Variants in TMCO4 observed in about 807,000 individuals in gnomAD.
TMCO4 encodes the protein transmembrane and coiled-coil domain-containing protein 4.
In TMCO4, 58 loss-of-function variants were observed where a neutral mutation model predicts 64.7. That is an observed-to-expected ratio of 0.90 (90% confidence interval 0.73 to 1.12). The LOEUF (loss-of-function observed/expected upper bound fraction) is 1.12, where lower values mean the gene tolerates loss of function less well. TMCO4 is among the 50% of genes most tolerant of loss of function. The probability of loss-of-function intolerance (pLI) is 0.00; values close to 1 mark genes in which losing one functional copy is unlikely to be tolerated. For synonymous variants in TMCO4, 325 were observed against 346.1 expected (o/e 0.94, Z 0.68); for missense variants, 780 against 825.9 (o/e 0.94, Z 0.68).
intron 15 of TMCO4, among the ~76,000 whole-genome samples, chr1:19,685,892 A>AT (rs972341836): frequency 2.0e-5 from 3 of 151,272 alleles, no homozygotes; most frequent in African/African-American, 7.3e-5. Flanking sequence ...TGCCCGGCTA[A>AT]TTTTTTTTGT....
chr1:19,683,364 G>C lies in TMCO4; in HGVS notation c.1581C>G (p.Asp527Glu). 6.2e-7 allele frequency: 1 copy of C among 1,613,918 alleles called. No individual in the cohort carries two copies. The highest frequency in any genetic ancestry group is 8.5e-7 in the Non-Finnish European group (1 of 1,180,018). Residue 527 changes from aspartate to glutamate, a missense_variant, in exon 16 of 16, where the codon GAC (aspartate) becomes GAG (glutamate). By Grantham distance (45) the Asp-to-Glu change is conservative. Transcript: ENST00000294543. ...AVGIRTKPGW[D>E]EKGLLLAPGC... The stretch of plus-strand genomic sequence containing the variant: ...CTGGGGCCAGCAAGAGCCCCTTCTC[G>C]TCCCAGCCTGGCTTGGTGCGGATGC...
intron 4 of TMCO4, among the ~76,000 whole-genome samples, chr1:19,774,370 AC>A (rs1249832194): frequency 6.6e-6 from 1 of 152,208 alleles, no homozygotes; most frequent in Non-Finnish European, 1.5e-5. Context: ...GTGATCTTGG[AC>A]AAGTGACTTC....
intron 2 of TMCO4, among the ~76,000 whole-genome samples, chr1:19,790,699 C>A (rs1037449748): frequency 2.6e-5 from 4 of 152,222 alleles, no homozygotes; most frequent in African/African-American, 9.7e-5. Flanking sequence ...AACACTCTTA[C>A]ACTGTTGGTG....
intron 2 of TMCO4, among the ~76,000 whole-genome samples, chr1:19,796,779 T>C (rs1329842767): frequency 6.6e-6 from 1 of 152,176 alleles, no homozygotes; most frequent in East Asian, 1.9e-4. Flanking sequence ...TTCACCATGT[T>C]GGCCAGGATG....
At chr1:19,728,500 A>C (rs944567381) in intron 13 of TMCO4, among the ~76,000 whole-genome samples, 9 of 152,172 alleles carry the variant, frequency 5.9e-5, no homozygotes, top group African/African-American at 2.2e-4. Flanking sequence ...AGGCATTTTC[A>C]CCAGGTCATC....
intron 13 of TMCO4, among the ~76,000 whole-genome samples, chr1:19,707,936 G>A (rs1570700703): frequency 1.3e-5 from 2 of 152,088 alleles, no homozygotes; most frequent in Admixed American, 6.6e-5. Context: ...ACCAGATCTC[G>A]TGAGAACTCA....
chr1:19,788,879 T>A (rs2043876110), intron 2 of TMCO4, among the ~76,000 whole-genome samples: 1 of 151,798 alleles, frequency 6.6e-6, no homozygotes, highest in African/African-American at 2.4e-5. Flanking sequence ...ATCAAGACCA[T>A]CCTGGCTAAC....
intron 13 of TMCO4, among the ~76,000 whole-genome samples, chr1:19,733,615 C>T (rs1476439123): frequency 2.0e-5 from 3 of 152,172 alleles, no homozygotes; most frequent in African/African-American, 7.2e-5. Context: ...TGCCTGATCC[C>T]TTCCATATAG....
chr1:19,790,268 T>C (rs1450349143), intron 2 of TMCO4, among the ~76,000 whole-genome samples: 1 of 152,070 alleles, frequency 6.6e-6, no homozygotes, highest in Admixed American at 6.6e-5. Flanking sequence ...GCACAGATGT[T>C]ATGACGAAAT....
At chr1:19,745,266 G>A (rs2041716347) in intron 10 of TMCO4, among the ~76,000 whole-genome samples, 1 of 137,476 alleles carries the variant, frequency 7.3e-6, no homozygotes, top group Non-Finnish European at 1.6e-5. Flanking sequence ...GTGGGTGGAT[G>A]GATGGGTAAA....
chr1:19,760,379 C>G (rs115750068), intron 6 of TMCO4, among the ~76,000 whole-genome samples: 1,872 of 152,256 alleles, frequency 0.012, 19 homozygotes, highest in Non-Finnish European at 0.018. Flanking sequence ...CCAGTCCACT[C>G]CTTCCTAGTC....
chr1:19,794,088 C>T (rs951928798), intron 2 of TMCO4, among the ~76,000 whole-genome samples: 3 of 152,108 alleles, frequency 2.0e-5, no homozygotes, highest in Non-Finnish European at 2.9e-5. Context: ...GCCACACCCT[C>T]CTCCCTGCAG....
intron 3 of TMCO4, among the ~76,000 whole-genome samples, chr1:19,785,818 AG>A (rs1447477981): frequency 6.6e-6 from 1 of 152,142 alleles, no homozygotes; most frequent in Non-Finnish European, 1.5e-5. Flanking sequence ...AGGCAGGGTG[AG>A]GGGATATGAA....
chr1:19,754,789 C>T (rs975671923), intron 7 of TMCO4, among the ~76,000 whole-genome samples: 1 of 152,240 alleles, frequency 6.6e-6, no homozygotes, highest in East Asian at 1.9e-4. Context: ...GTCCGGGACA[C>T]GTCGGGGAAG....
At chr1:19,751,745 T>G (rs112686438) in intron 7 of TMCO4, among the ~76,000 whole-genome samples, 1 of 152,324 alleles carries the variant, frequency 6.6e-6, no homozygotes, top group Admixed American at 6.5e-5. Flanking sequence ...AGTATTTGCA[T>G]GTTCTTAATA....
chr1:19,731,560 G>A (rs1228827915), intron 13 of TMCO4, among the ~76,000 whole-genome samples: 1 of 152,242 alleles, frequency 6.6e-6, no homozygotes, highest in African/African-American at 2.4e-5. Flanking sequence ...TAAGCTGGCA[G>A]CTTCTCAGCG....
rs1215424870 is a variant in TMCO4, at chr1:19,732,957, C to T, written c.1264+4415G>A. On this transcript the variant is annotated intron_variant, in intron 13 of 15. Coordinates refer to ENST00000294543, the MANE Select transcript of TMCO4 (RefSeq NM_181719.7). The surrounding 1 kb of genome is among the most constrained non-coding windows in gnomAD (Gnocchi z 4.8). The stretch of plus-strand genomic sequence containing the variant: ...GTTTTTCTTTTTTGCTGACTACCTA[C>T]TCATCTGTCAATATAGAAGTTTTCT... Among the ~76,000 whole-genome samples, 1 of 151,798 alleles carries T rather than the reference C, an allele frequency of 6.6e-6. No individual in the cohort carries two copies. The highest frequency in any genetic ancestry group is 1.9e-4 in the East Asian group (1 of 5,140).
rs1025615951 is a variant in TMCO4 at position 19,770,928 on chromosome 1, G to A, written c.355-359C>T. Among the ~76,000 whole-genome samples, 28 of 152,176 alleles carry A rather than the reference G, an allele frequency of 1.8e-4. 1 individual carries two copies. The highest frequency in any genetic ancestry group is 5.1e-4 in the African/African-American group (21 of 41,436). ...GAGGTGCCACAGCTTAGAAGAATGC[G>A]GGCTCTGGAGTCAGACTACCAAGGT... On this transcript the variant is annotated intron_variant, in intron 5 of 15. Coordinates refer to ENST00000294543, the MANE Select transcript of TMCO4 (RefSeq NM_181719.7).
rs557983794 is a variant in TMCO4, at chr1:19,784,635, C to T, written c.-9+2391G>A. ...TACAATGCATTCTCTACATAGTGGC[C>T]TCAGTGACCTTTTTGTCACATAGAC... is the stretch of plus-strand genomic sequence containing the variant. On this transcript the variant is annotated intron_variant, in intron 3 of 15. Transcript: ENST00000294543. 1.1e-4 allele frequency among the ~76,000 whole-genome samples: 17 copies of T among 152,202 alleles called. 1 individual carries two copies. In the South Asian group the frequency reaches 3.3e-3, roughly 30 times the overall value.
Sources: allele counts gnomAD v4.1 joint callset (sites outside exome capture counted in the v4.1 genomes callset), GRCh38; gene constraint gnomAD v4.1.1; non-coding constraint Gnocchi (gnomAD v3.1); transcripts MANE v1.5; gene names NCBI Gene and HGNC (gene_info 2026-07-23, HGNC 2026-07-21).